Variants in MSTO1 observed in about 807,000 individuals in gnomAD.
MSTO1 encodes the protein misato mitochondrial distribution and morphology regulator 1.
A neutral mutation model predicts 55.7 loss-of-function variants in MSTO1; 24 were observed. The observed-to-expected ratio is 0.43, with a 90% CI of 0.31 to 0.61. The LOEUF (loss-of-function observed/expected upper bound fraction) is 0.61. Among genes scored for constraint, MSTO1 ranks in the 20% least tolerant of loss-of-function variants. The pLI, the probability that MSTO1 is intolerant of heterozygous loss-of-function variation, is 0.09. For synonymous variants in MSTO1, 162 were observed against 252.8 expected, an observed-to-expected ratio of 0.64 and a Z score of 3.41; for missense variants, 363 against 625.7, an observed-to-expected ratio of 0.58 and a Z score of 4.48.
At chr1:155,567,237 C>T in the MSTO1 span, among the ~76,000 whole-genome samples, 1 of 151,970 alleles carries the variant, frequency 6.6e-6, no homozygotes, top group East Asian at 1.9e-4. Flanking sequence ...GATTCTCCCG[C>T]CTCAGCCTCC....
the MSTO1 span, among the ~76,000 whole-genome samples, chr1:155,584,069 C>G: frequency 1.3e-5 from 2 of 152,078 alleles, no homozygotes; most frequent in African/African-American, 4.8e-5. Context: ...AGTGCTTTGG[C>G]GTCTTCATTA....
At chr1:155,597,681 T>C in the MSTO1 span, among the ~76,000 whole-genome samples, 1 of 150,760 alleles carries the variant, frequency 6.6e-6, no homozygotes, top group Non-Finnish European at 1.5e-5. Flanking sequence ...GGCTAATTTT[T>C]GTATTTTTAG....
intron 13 of MSTO1, 29 bp from the exon 14 acceptor site, chr1:155,614,030 A>T: frequency 6.2e-7 from 1 of 1,602,214 alleles, no homozygotes; most frequent in Non-Finnish European, 8.5e-7. Flanking sequence ...TCATCCATCT[A>T]CAGGTCTCTG....
At chr1:155,565,918 C>G in the MSTO1 span, 1 of 152,128 alleles carries the variant, frequency 6.6e-6, no homozygotes, top group African/African-American at 2.4e-5. Context: ...TCCCTAAAAC[C>G]TGTAAATATG....
At position 155,613,367 on chromosome 1, in the gene MSTO1, A is replaced by T; in HGVS notation, c.1284-95A>T. On this transcript the variant is annotated intron_variant, in intron 11 of 13. Transcript: ENST00000245564. ...AAAAGGAAAAAAAAAAGGGCTTTGAATATCTTGATCCAGCTGATGGCCTGA... is the reference window on the plus strand; with the variant it reads ...AAAAGGAAAAAAAAAAGGGCTTTGATTATCTTGATCCAGCTGATGGCCTGA... The T allele has an allele frequency of 2.5e-6, 4 of 1,582,278 alleles. No homozygotes were observed. The South Asian group carries it at 3.5e-5, about 14-fold the overall frequency.
chr1:155,568,781 A>G, the MSTO1 span, among the ~76,000 whole-genome samples: 17 of 151,852 alleles, frequency 1.1e-4, no homozygotes, highest in Non-Finnish European at 2.4e-4. Context: ...AATGTTTGGG[A>G]ACAAAAATGT....
chr1:155,597,666 C>T, the MSTO1 span, among the ~76,000 whole-genome samples: 7 of 151,762 alleles, frequency 4.6e-5, no homozygotes, highest in East Asian at 9.9e-4. Flanking sequence ...TGCGCCACCA[C>T]GCCTGGCTAA....
chr1:155,580,484 G>A, the MSTO1 span, among the ~76,000 whole-genome samples: 196 of 152,082 alleles, frequency 1.3e-3, no homozygotes, highest in Middle Eastern at 6.8e-3. Context: ...GCAGTGAGCC[G>A]TGATCACGCC....
chr1:155,567,307 A>G, the MSTO1 span, among the ~76,000 whole-genome samples: 4 of 143,012 alleles, frequency 2.8e-5, no homozygotes, highest in African/African-American at 5.6e-5. Flanking sequence ...TAATTTTTGT[A>G]ATTTTTTTTT....
the MSTO1 span, among the ~76,000 whole-genome samples, chr1:155,575,790 TTTTA>T: frequency 1.4e-5 from 2 of 147,222 alleles, no homozygotes; most frequent in African/African-American, 5.1e-5. Flanking sequence ...TTTTGTCTTA[TTTTA>T]TTTTTATTTA....
At chr1:155,584,971 A>T in the MSTO1 span, among the ~76,000 whole-genome samples, 1 of 151,410 alleles carries the variant, frequency 6.6e-6, no homozygotes, top group South Asian at 2.1e-4. Context: ...GTGTCATCTA[A>T]GCTGGTCTCA....
At chr1:155,574,535 G>C in the MSTO1 span, among the ~76,000 whole-genome samples, 1 of 152,012 alleles carries the variant, frequency 6.6e-6, no homozygotes, top group Admixed American at 6.6e-5. Flanking sequence ...TTCGTACTAC[G>C]TTTGCAACTC....
At chr1:155,593,605 T>A in the MSTO1 span, among the ~76,000 whole-genome samples, 2 of 152,196 alleles carry the variant, frequency 1.3e-5, no homozygotes, top group Non-Finnish European at 2.9e-5. Context: ...TGTACAATAC[T>A]GTATTGCCTA....
chr1:155,567,366 C>G, the MSTO1 span, among the ~76,000 whole-genome samples: 2 of 144,766 alleles, frequency 1.4e-5, no homozygotes, highest in African/African-American at 2.6e-5. Flanking sequence ...GGCGGGAGTG[C>G]TGTGGCGCGA....
chr1:155,607,090 C>T (rs1265621498), upstream of MSTO1, among the ~76,000 whole-genome samples: 1 of 152,098 alleles, frequency 6.6e-6, no homozygotes, highest in East Asian at 1.9e-4. Flanking sequence ...CCTTGGCCTC[C>T]CAAAGTGCTG....
chr1:155,599,850 A>G, the MSTO1 span, among the ~76,000 whole-genome samples: 3 of 152,224 alleles, frequency 2.0e-5, no homozygotes, highest in Non-Finnish European at 4.4e-5. Context: ...CTGTGCTTTT[A>G]GATATGCATA....
At chr1:155,577,015 C>CAA in the MSTO1 span, among the ~76,000 whole-genome samples, 12 of 34,650 alleles carry the variant, frequency 3.5e-4, no homozygotes, top group East Asian at 1.5e-3. Context: ...AACTCCGTCT[C>CAA]AAAAAAAAAA....
the MSTO1 span, among the ~76,000 whole-genome samples, chr1:155,572,313 C>G: frequency 6.6e-6 from 1 of 152,134 alleles, no homozygotes; most frequent in Non-Finnish European, 1.5e-5. Context: ...GACAAAATCC[C>G]CCTGGTAGAG....
the MSTO1 span, among the ~76,000 whole-genome samples, chr1:155,602,630 C>A: frequency 6.6e-6 from 1 of 152,154 alleles, no homozygotes; most frequent in African/African-American, 2.4e-5. Context: ...AGAACTGATA[C>A]TGGAGTTGGA....
Sources: gnomAD v4.1 joint callset for allele counts (sites outside exome capture counted in the v4.1 genomes callset) on GRCh38, gnomAD v4.1.1 for gene constraint, MANE v1.5 for transcripts, NCBI Gene and HGNC (gene_info 2026-07-23, HGNC 2026-07-21) for gene names.